The following GSE1 variants were observed in gnomAD, a reference collection of about 807,000 sequenced individuals.
GSE1 encodes the protein genetic suppressor element 1.
In GSE1, 32 loss-of-function variants were observed where a neutral mutation model predicts 112.6. The ratio of observed to expected loss-of-function variants is 0.28; its 90% CI spans 0.21 to 0.38. The LOEUF (loss-of-function observed/expected upper bound fraction) is 0.38, where lower values mean the gene tolerates loss of function less well. Ranked by LOEUF, GSE1 falls within the 10% of genes least tolerant of loss-of-function variation. The pLI is 1.00. For synonymous variants in GSE1, 1,115 were observed against 735.6 expected (o/e 1.52, Z -8.35); for missense variants, 2,348 against 1,699.2 (o/e 1.38, Z -6.71).
At chr16:85,660,786 A>G (rs905536354) in intron 8 of GSE1, among the ~76,000 whole-genome samples, 1 of 151,910 alleles carries the variant, frequency 6.6e-6, no homozygotes, top group African/African-American at 2.4e-5. Flanking sequence ...ACCCGCCACC[A>G]TGCCTGGCTA....
intron 1 of GSE1, among the ~76,000 whole-genome samples, chr16:85,333,994 C>T (rs1042122205): frequency 2.6e-5 from 4 of 152,288 alleles, no homozygotes; most frequent in East Asian, 1.9e-4. Context: ...AAAATGTCCC[C>T]GTCAGCCTCG....
chr16:85,233,206 C>T (rs183868039), intron 1 of GSE1, among the ~76,000 whole-genome samples: 48 of 152,392 alleles, frequency 3.1e-4, no homozygotes, highest in African/African-American at 8.9e-4. Flanking sequence ...CCTGCAAAGG[C>T]GAGGTGTCTA....
intron 2 of GSE1, among the ~76,000 whole-genome samples, chr16:85,428,443 C>A (rs534058066): frequency 1.8e-4 from 27 of 152,364 alleles, no homozygotes; most frequent in African/African-American, 6.5e-4. Context: ...TTGAACCTTA[C>A]CAAGCCTCAG....
chr16:85,171,891 A>G (rs915430035), intron 1 of GSE1: 2 of 796,650 alleles, frequency 2.5e-6, no homozygotes, highest in South Asian at 5.6e-5. Context: ...TTCCTCAGAA[A>G]AACTCTGAAG....
At chr16:85,507,770 C>T (rs1029617491) in intron 2 of GSE1, among the ~76,000 whole-genome samples, 4 of 152,214 alleles carry the variant, frequency 2.6e-5, no homozygotes, top group African/African-American at 4.8e-5. Flanking sequence ...CAGTCACATT[C>T]TGAGGCCCGG....
chr16:85,385,695 G>A (rs1344347617), intron 2 of GSE1, among the ~76,000 whole-genome samples: 2 of 152,296 alleles, frequency 1.3e-5, no homozygotes, highest in South Asian at 2.1e-4. Flanking sequence ...ACGTGTTTTC[G>A]CCTCCCCGCT....
chr16:85,231,073 G>GA (rs1567625607), intron 1 of GSE1, among the ~76,000 whole-genome samples: 13 of 138,154 alleles, frequency 9.4e-5, no homozygotes, highest in Admixed American at 2.9e-4. Flanking sequence ...TAGCTGGACA[G>GA]AGGGATGGAT....
chr16:85,420,652 C>G (rs957355472), intron 2 of GSE1, among the ~76,000 whole-genome samples: 7 of 152,190 alleles, frequency 4.6e-5, no homozygotes, highest in Admixed American at 6.5e-5. Context: ...ACTCGGCCCA[C>G]CGGGCATGCT....
At chr16:85,492,225 C>T (rs2051033117) in intron 2 of GSE1, among the ~76,000 whole-genome samples, 1 of 152,212 alleles carries the variant, frequency 6.6e-6, no homozygotes, top group South Asian at 2.1e-4. Context: ...TATAAATAGA[C>T]TAGAGGCTGC....
rs190598445 is a variant in GSE1, at chr16:85,377,122, T to C, written c.2464+19479T>C. ...TGACAAGGTTGCCGTGTGTGCACAG[T>C]TGTGGATGACGGGGTACCCCTGGTA... On this transcript the variant is annotated intron_variant, in intron 2 of 2. Transcript: ENST00000637419. 1.6e-3 allele frequency among the ~76,000 whole-genome samples: 239 copies of C among 152,300 alleles called. 1 individual carries two copies. The highest frequency in any genetic ancestry group is 5.5e-3 in the African/African-American group (229 of 41,564).
chr16:85,448,122 C>T (rs1246908118), intron 2 of GSE1, among the ~76,000 whole-genome samples: 1 of 152,222 alleles, frequency 6.6e-6, no homozygotes, highest in Non-Finnish European at 1.5e-5. Flanking sequence ...GCCTGCCCTG[C>T]CCGCATCACC....
At chr16:85,540,741 C>G (rs571947533) in intron 2 of GSE1, among the ~76,000 whole-genome samples, 108 of 152,068 alleles carry the variant, frequency 7.1e-4, no homozygotes, top group African/African-American at 2.5e-3. Flanking sequence ...ATGGTGAGAC[C>G]CTGTCTCTTC....
chr16:85,251,189 C>T (rs559583086), intron 1 of GSE1, among the ~76,000 whole-genome samples: 26 of 152,334 alleles, frequency 1.7e-4, no homozygotes, highest in Admixed American at 4.6e-4. Flanking sequence ...CTCTTGGGCA[C>T]CTCCGTGTGT....
At chr16:85,463,728 T>A (rs964922088) in intron 2 of GSE1, among the ~76,000 whole-genome samples, 5 of 152,098 alleles carry the variant, frequency 3.3e-5, no homozygotes, top group Non-Finnish European at 7.4e-5. Context: ...ACTGGCACAG[T>A]TAGGCAGCGA....
At position 85,478,919 on chromosome 16, in the gene GSE1, C is replaced by CT. The variant is rs1347543284; in HGVS notation, c.2464+121279dup. 6.2e-3 allele frequency among the ~76,000 whole-genome samples: 284 copies of CT among 45,546 alleles called. 40 individuals carry two copies. The highest frequency in any genetic ancestry group is 0.034 in the African/African-American group (264 of 7,722). The allele number at this position is 45,546 out of a possible 152,430, so 29.9% of individuals were successfully genotyped here. A position where few individuals can be genotyped will look rare whatever the true frequency, so the allele number is the denominator to read the frequency against. On this transcript the variant is annotated intron_variant, in intron 2 of 2. Transcript: ENST00000637419. Reference sequence around the variant, plus strand: ...TCTTTCTTTCTTTCTTTCTTTCTTTCTTTCTTTCTCTTTCTTTCTTTCTTT... The same window carrying CT: ...TCTTTCTTTCTTTCTTTCTTTCTTTCTTTTCTTTCTCTTTCTTTCTTTCTTT...
At chr16:85,657,708 C>G in intron 8 of GSE1, 104 bp downstream of exon 8, 1 of 715,672 alleles carries the variant, frequency 1.4e-6, no homozygotes, top group Admixed American at 3.7e-5. Context: ...CCCAGCGTTT[C>G]TGCCTGCCTC....
intron 2 of GSE1, among the ~76,000 whole-genome samples, chr16:85,439,529 G>A (rs527830238): frequency 1.5e-5 from 2 of 135,568 alleles, no homozygotes; most frequent in South Asian, 4.7e-4. Context: ...GAAACACACG[G>A]TCTGTCACAC....
chr16:85,656,790 G>C (rs755913972), intron 7 of GSE1, 125 bp downstream of exon 7: 9 of 1,328,968 alleles, frequency 6.8e-6, no homozygotes, highest in South Asian at 1.5e-5. Context: ...CCCTAAAAGC[G>C]TGGTGTGGCT....
At chr16:85,200,671 A>G (rs1044074117) in intron 1 of GSE1, among the ~76,000 whole-genome samples, 3 of 152,074 alleles carry the variant, frequency 2.0e-5, no homozygotes, top group Non-Finnish European at 4.4e-5. Flanking sequence ...CCCACATTTA[A>G]TCTTACTGCA....
Sources: allele counts gnomAD v4.1 joint callset (sites outside exome capture counted in the v4.1 genomes callset), GRCh38; gene constraint gnomAD v4.1.1; transcripts MANE v1.5; gene names NCBI Gene and HGNC (gene_info 2026-07-23, HGNC 2026-07-21).